Variants in MINDY4B observed in about 807,000 individuals in gnomAD.
MINDY4B encodes the protein inactive ubiquitin carboxyl-terminal hydrolase MINDY-4B.
A neutral mutation model predicts 16.7 loss-of-function variants in MINDY4B; 25 were observed. The observed-to-expected ratio is 1.49, with a 90% CI of 1.09 to 2.09. The LOEUF (loss-of-function observed/expected upper bound fraction) is 2.09. MINDY4B is among the 30% of genes most tolerant of loss of function. The pLI is 0.00. For synonymous variants in MINDY4B, 132 were observed against 61.9 expected, an observed-to-expected ratio of 2.13 and a Z score of -5.32; for missense variants, 327 against 168.4, an observed-to-expected ratio of 1.94 and a Z score of -5.21.
intron 11 of MINDY4B, among the ~76,000 whole-genome samples, chr3:150,871,916 A>G (rs1419479668): frequency 1.3e-5 from 2 of 152,196 alleles, no homozygotes; most frequent in African/African-American, 4.8e-5. Flanking sequence ...ATGGAGGGCA[A>G]GGCTTTCTAG....
At position 150,903,194 on chromosome 3, in the gene MINDY4B, G is replaced by A. The variant is rs528132274; in HGVS notation, c.309+55C>T. ...GCAGGAGATAAGATTCCCCAGCCTT[G>A]TTGTTTTGGGAAGATTACGTTTCAT... On this transcript the variant is annotated intron_variant, in intron 3 of 11. Transcript: ENST00000465419. 1.3e-5 allele frequency: 5 copies of A among 398,190 alleles called. No individual in the cohort carries two copies. The South Asian group carries it at 3.9e-4, about 31-fold the overall frequency. The allele number at this position is 398,190 out of a possible 1,614,324, so 24.7% of individuals were successfully genotyped here.
rs765164549 is a variant in MINDY4B at position 150,893,377 on chromosome 3, G to A, written c.468C>T (p.Ser156=). 1.1e-5 allele frequency: 8 copies of A among 702,628 alleles called. No homozygotes were observed. The highest frequency in any genetic ancestry group is 1.8e-5 in the Non-Finnish European group (7 of 384,830). 43.5% of individuals were successfully genotyped at this position (702,628 alleles called of 1,614,324 possible). A position where few individuals can be genotyped will look rare whatever the true frequency, so the allele number is the denominator to read the frequency against. ...TGGTAAACAACAAGTATTTGATGAT[G>A]GATCCTTGCACAGCCATCTGAATGC... The part of the protein sequence containing the change: ...ARSIQMAVQG[S]IIKYLLFTRK... Residue 156 remains serine (S), a synonymous_variant, in exon 5 of 12, where the codon TCC becomes TCT. Coordinates refer to ENST00000465419, the MANE Select transcript of MINDY4B (RefSeq NM_001351281.2).
chr3:150,883,805 C>G (rs1040426113), intron 8 of MINDY4B, 33 bp from the exon 9 acceptor site: 1 of 701,800 alleles, frequency 1.4e-6, no homozygotes, highest in Non-Finnish European at 2.6e-6. Context: ...AGCATCCAGT[C>G]AGAGACAGTG....
At chr3:150,892,117 G>A (rs1576613594) in intron 5 of MINDY4B, among the ~76,000 whole-genome samples, 1 of 152,324 alleles carries the variant, frequency 6.6e-6, no homozygotes, top group Admixed American at 6.5e-5. Flanking sequence ...AAGGATTGAA[G>A]CCACCTTGCC....
rs752277908 is a variant in MINDY4B, at chr3:150,903,249, C to T, written c.309G>A (p.Thr103=). 33 of 398,340 alleles carry T rather than the reference C, an allele frequency of 8.3e-5. No individual in the cohort carries two copies. Among genetic ancestry groups the T allele is most frequent in the Admixed American group, 1.8e-4 (4 of 22,708 alleles). The allele number at this position is 398,340 out of a possible 1,614,324, so 24.7% of individuals were successfully genotyped here. A position where few individuals can be genotyped will look rare whatever the true frequency, so the allele number is the denominator to read the frequency against. Residue 103 remains threonine (T), a splice_region_variant and synonymous_variant, in exon 3 of 12, where the codon ACG becomes ACA. Coordinates refer to ENST00000465419, the MANE Select transcript of MINDY4B (RefSeq NM_001351281.2). Reference sequence around the variant, plus strand: ...TGTTTAATTGACAAGCTATACTTACCGTGGCCATTGCTAGGGAGATAGGAA... The same window carrying T: ...TGTTTAATTGACAAGCTATACTTACTGTGGCCATTGCTAGGGAGATAGGAA... The part of the protein sequence containing the change: ...GGFPISLAMA[T]KLRQILFGNT...
chr3:150,888,079 C>A (rs752844613), intron 7 of MINDY4B, among the ~76,000 whole-genome samples: 1 of 152,140 alleles, frequency 6.6e-6, no homozygotes, highest in Non-Finnish European at 1.5e-5. Flanking sequence ...TGTACTCCAG[C>A]CCGGGAGCCG....
chr3:150,887,019 T>C (rs1711639657), intron 7 of MINDY4B, among the ~76,000 whole-genome samples: 2 of 152,186 alleles, frequency 1.3e-5, no homozygotes, highest in Non-Finnish European at 2.9e-5. Context: ...TACATACCTA[T>C]GAAAAAGTTT....
At chr3:150,890,474 GT>G in intron 6 of MINDY4B, 89 bp from the exon 7 acceptor site, 1 of 495,480 alleles carries the variant, frequency 2.0e-6, no homozygotes, top group Non-Finnish European at 3.6e-6. Flanking sequence ...CCACAAGTGG[GT>G]TTTTTGTTTC....
rs1200953271 is a variant in MINDY4B, at chr3:150,870,757, G to C, written c.*288C>G. ...GACAACTTTGGAAAAACATGCAAGA[G>C]AGAGGCTTCATTTTCTCTTTTGAAT... On this transcript the variant is annotated 3_prime_UTR_variant, in exon 12 of 12. Transcript: ENST00000465419. 1.3e-5 allele frequency among the ~76,000 whole-genome samples: 2 copies of C among 152,184 alleles called. No homozygotes were observed. Among genetic ancestry groups the C allele is most frequent in the African/African-American group, 4.8e-5 (2 of 41,438 alleles).
Position 150,873,191 on chromosome 3 carries a change from T to C in MINDY4B, c.1236A>G (p.Thr412=). ...CCTGGAGTCTGAAATGCTCACCTAT[T>C]GTAAGACGCACAAGCTTTTTCTGTG... The part of the protein sequence containing the change: ...QPSQKKLVRL[T]IDTHSHHWER... The change falls in exon 11 of 12, where the codon ACA becomes ACG. Residue 412 remains threonine, a synonymous_variant. Coordinates refer to ENST00000465419, the MANE Select transcript of MINDY4B (RefSeq NM_001351281.2). The C allele has an allele frequency of 1.4e-6, 1 of 702,910 alleles. No individual in the cohort carries two copies. The highest frequency in any genetic ancestry group is 2.6e-6 in the Non-Finnish European group (1 of 384,798). The allele number at this position is 702,910 out of a possible 1,614,324, so 43.5% of individuals were successfully genotyped here.
At chr3:150,901,040 C>G (rs972930115) in intron 3 of MINDY4B, 2 of 152,216 alleles carry the variant, frequency 1.3e-5, no homozygotes, top group African/African-American at 2.4e-5. Flanking sequence ...GGAATTACTT[C>G]TTTTACAGGC....
At chr3:150,882,775 G>A (rs1317858346) in intron 10 of MINDY4B, 122 bp downstream of exon 10, 5 of 460,374 alleles carry the variant, frequency 1.1e-5, no homozygotes, top group Non-Finnish European at 1.9e-5. Flanking sequence ...CAGGAGGGAG[G>A]TACACAGGCA....
chr3:150,891,155 C>A, intron 5 of MINDY4B, 52 bp from the exon 6 acceptor site: 1 of 672,694 alleles, frequency 1.5e-6, no homozygotes, highest in South Asian at 1.5e-5. Context: ...CATCACCTAG[C>A]CACAGAGATG....
At chr3:150,898,304 C>T (rs1372350500) in intron 3 of MINDY4B, among the ~76,000 whole-genome samples, 1 of 152,160 alleles carries the variant, frequency 6.6e-6, no homozygotes, top group African/African-American at 2.4e-5. Flanking sequence ...AGATTAAGAC[C>T]GTTGAGACTA....
At position 150,891,056 on chromosome 3, in the gene MINDY4B, G is replaced by A. The variant is rs148926265; in HGVS notation, c.569C>T (p.Ala190Val). ...KKEQEQALAAALAGILWAAGA... is the reference protein window; with the variant it reads ...KKEQEQALAAVLAGILWAAGA... ...TGCAGCCCACAGGATGCCAGCAAGC[G>A]CCGCGGCCAAGGCTTGCTCCTGCTC... The change falls in exon 6 of 12, where the codon GCG (alanine) becomes GTG (valine). Residue 190 changes from alanine to valine, a missense_variant. Coordinates refer to ENST00000465419, the MANE Select transcript of MINDY4B (RefSeq NM_001351281.2). 57 of 702,834 alleles carry A rather than the reference G, an allele frequency of 8.1e-5. No homozygotes were observed. Among genetic ancestry groups the A allele is most frequent in the Admixed American group, 1.0e-4 (5 of 50,014 alleles). The allele number at this position is 702,834 out of a possible 1,614,324, so 43.5% of individuals were successfully genotyped here.
chr3:150,879,364 G>GC (rs760937303), intron 10 of MINDY4B, among the ~76,000 whole-genome samples: 30 of 152,266 alleles, frequency 2.0e-4, no homozygotes, highest in Non-Finnish European at 4.0e-4. Context: ...CATCTAGTGA[G>GC]CAGAGGCCAG....
At chr3:150,898,001 C>T (rs974930426) in intron 3 of MINDY4B, among the ~76,000 whole-genome samples, 2 of 152,168 alleles carry the variant, frequency 1.3e-5, no homozygotes, top group East Asian at 1.9e-4. Context: ...CTGCTCCTTA[C>T]CAACCATGTG....
chr3:150,872,480 C>T (rs1035444959), intron 11 of MINDY4B, among the ~76,000 whole-genome samples: 9 of 152,230 alleles, frequency 5.9e-5, no homozygotes, highest in African/African-American at 1.9e-4. Context: ...AATACCTCGT[C>T]CGGGGGTCAA....
intron 10 of MINDY4B, among the ~76,000 whole-genome samples, chr3:150,879,234 AT>A (rs142625403): frequency 6.6e-6 from 1 of 151,850 alleles, no homozygotes; most frequent in African/African-American, 2.4e-5. Flanking sequence ...GCCTAAAGAG[AT>A]TTTTTTTCTC....
Sources: gnomAD v4.1 joint callset for allele counts (sites outside exome capture counted in the v4.1 genomes callset) on GRCh38, gnomAD v4.1.1 for gene constraint, MANE v1.5 for transcripts, NCBI Gene and HGNC (gene_info 2026-07-23, HGNC 2026-07-21) for gene names.